ACTA2: variants seen among roughly 807,000 people sequenced by gnomAD.
ACTA2 encodes the protein actin alpha 2, smooth muscle.
In ACTA2, 12 loss-of-function variants were observed where a neutral mutation model predicts 39.5. The ratio of observed to expected loss-of-function variants is 0.30; its 90% CI spans 0.19 to 0.49. The LOEUF (loss-of-function observed/expected upper bound fraction) is 0.49, where lower values mean the gene tolerates loss of function less well. ACTA2 is among the 20% of genes least tolerant of loss of function. The probability of loss-of-function intolerance (pLI) is 0.99; values close to 1 mark genes in which losing one functional copy is unlikely to be tolerated. For synonymous variants in ACTA2, 158 were observed against 180.6 expected (o/e 0.88, Z 1.00); for missense variants, 236 against 498.8 (o/e 0.47, Z 5.02).
At chr10:88,966,926 T>C (rs1387026186) in intron 1 of ACTA2, among the ~76,000 whole-genome samples, 1 of 152,186 alleles carries the variant, frequency 6.6e-6, no homozygotes, top group Non-Finnish European at 1.5e-5. Flanking sequence ...AGGATACCAT[T>C]AGGAGATCCT....
At position 88,965,530 on chromosome 10, in the gene ACTA2, G is replaced by A. The variant is rs1589411400; in HGVS notation, c.-23-16577C>T. On this transcript the variant is annotated intron_variant, in intron 1 of 4. Transcript: ENST00000415557. ...CCCTATTTTCCTTAAGCAGCACGCG[G>A]CTGCCTAGTGTACTTGCCTTAGGAG... 2.6e-5 allele frequency among the ~76,000 whole-genome samples: 4 copies of A among 152,294 alleles called. No homozygotes were observed. In the East Asian group the frequency reaches 7.7e-4, roughly 29 times the overall value.
chr10:88,955,948 A>T (rs1349519754), upstream of ACTA2, among the ~76,000 whole-genome samples: 3 of 152,210 alleles, frequency 2.0e-5, no homozygotes, highest in East Asian at 5.8e-4. Context: ...ATGCCTTATC[A>T]CAAGGTGGCA....
Position 88,990,155 on chromosome 10 carries a change from C to T in ACTA2, c.-24+784G>A, listed in dbSNP as rs1847076552. Among the ~76,000 whole-genome samples, 2 of 152,306 alleles carry T rather than the reference C, an allele frequency of 1.3e-5. No individual in the cohort carries two copies. Among genetic ancestry groups the T allele is most frequent in the African/African-American group, 4.8e-5 (2 of 41,562 alleles). On this transcript the variant is annotated intron_variant, in intron 1 of 4. Transcript: ENST00000415557. The surrounding 1 kb of genome is among the most constrained non-coding windows in gnomAD (Gnocchi z 4.9). ...ACTAAGGGGCCCTCCCTTTTCAGAG[C>T]CCTATGGCGCAACATCTGTACTTTT...
At chr10:88,964,720 G>A (rs1846290933) in intron 1 of ACTA2, among the ~76,000 whole-genome samples, 2 of 152,118 alleles carry the variant, frequency 1.3e-5, no homozygotes, top group Admixed American at 6.5e-5. Flanking sequence ...TTTTGGGGTG[G>A]CATATTCAGC....
Position 88,948,870 on chromosome 10 carries a change from C to G in ACTA2, c.61G>C (p.Ala21Pro). 6.2e-7 allele frequency: 1 copy of G among 1,613,980 alleles called. No individual in the cohort carries two copies. The highest frequency in any genetic ancestry group is 8.5e-7 in the Non-Finnish European group (1 of 1,179,896). The change falls in exon 2 of 9, where the codon GCC becomes CCC. Residue 21 changes from alanine to proline, a missense_variant. Transcript: ENST00000224784. ...VCDNGSGLCK[A>P]GFAGDDAPRA... ...GGAGCATCGTCCCCAGCAAAGCCGG[C>G]CTTACAGAGCCCAGAGCCATTGTCA...
At chr10:88,977,257 G>A (rs954273180) in intron 1 of ACTA2, among the ~76,000 whole-genome samples, 2 of 151,550 alleles carry the variant, frequency 1.3e-5, no homozygotes, top group African/African-American at 4.9e-5. Context: ...GTCCTGAATG[G>A]TAATGCCTAG....
chr10:88,983,938 C>T (rs1589428799), intron 1 of ACTA2, among the ~76,000 whole-genome samples: 1 of 152,010 alleles, frequency 6.6e-6, no homozygotes, highest in East Asian at 1.9e-4. Context: ...TTACTGTGAT[C>T]AGAGACTTAG....
intron 4 of ACTA2, 67 bp from the exon 5 acceptor site, chr10:88,941,936 A>C: frequency 2.1e-6 from 3 of 1,442,134 alleles, no homozygotes; most frequent in Non-Finnish European, 2.9e-6. Context: ...TCAGGAGAGC[A>C]CACCTGGTTG....
intron 1 of ACTA2, chr10:88,973,062 G>GT (rs1846485939): frequency 8.7e-7 from 1 of 1,146,428 alleles, no homozygotes; most frequent in South Asian, 1.8e-5. Context: ...AGCTAACCTT[G>GT]TAAGTACTTA....
intron 3 of ACTA2, among the ~76,000 whole-genome samples, chr10:88,945,170 T>C (rs1450054721): frequency 2.6e-5 from 4 of 152,250 alleles, no homozygotes; most frequent in African/African-American, 9.6e-5. Flanking sequence ...AAGTTTTTTC[T>C]TCCAATAGTC....
At chr10:88,962,568 G>T (rs1191050596) in intron 1 of ACTA2, among the ~76,000 whole-genome samples, 1 of 152,066 alleles carries the variant, frequency 6.6e-6, no homozygotes, top group Non-Finnish European at 1.5e-5. Context: ...AAAAGCTCTT[G>T]GCTAATTGTC....
intron 1 of ACTA2, among the ~76,000 whole-genome samples, chr10:88,972,704 A>G (rs1401393297): frequency 6.6e-6 from 1 of 152,224 alleles, no homozygotes; most frequent in Non-Finnish European, 1.5e-5. Context: ...ACAAATGTAT[A>G]AATCGATTTT....
At chr10:88,938,303 A>C in intron 7 of ACTA2, 61 bp from the exon 8 acceptor site, 3 of 1,574,800 alleles carry the variant, frequency 1.9e-6, no homozygotes, top group Non-Finnish European at 2.6e-6. Context: ...CTAGACATGG[A>C]AGACCAGACT....
intron 8 of ACTA2, among the ~76,000 whole-genome samples, chr10:88,936,404 G>A (rs1845739290): frequency 6.6e-6 from 1 of 152,188 alleles, no homozygotes; most frequent in African/African-American, 2.4e-5. Context: ...CTCATGTTGA[G>A]ATGTAATCCC....
At chr10:88,979,213 C>G (rs956878648) in intron 1 of ACTA2, among the ~76,000 whole-genome samples, 1 of 151,590 alleles carries the variant, frequency 6.6e-6, no homozygotes, top group Non-Finnish European at 1.5e-5. Context: ...GCGTAGGGAT[C>G]TGGGGAGGAG....
At position 88,943,791 on chromosome 10, in the gene ACTA2, A is replaced by G. The variant is rs1229837541; in HGVS notation, c.369+6T>C. On this transcript the variant is annotated splice_donor_region_variant and intron_variant, in intron 4 of 8. Coordinates refer to ENST00000224784, the MANE Select transcript of ACTA2 (RefSeq NM_001613.4). ...ACAGTGTTGTGTGCTGGGGTAGCATACTTACTTGAGTCATTTTCTCCCGGT... is the reference window on the plus strand; with the variant it reads ...ACAGTGTTGTGTGCTGGGGTAGCATGCTTACTTGAGTCATTTTCTCCCGGT... 1.9e-6 allele frequency: 3 copies of G among 1,609,088 alleles called. No homozygotes were observed.
chr10:88,987,454 T>C (rs965194401), intron 1 of ACTA2, among the ~76,000 whole-genome samples: 2 of 152,218 alleles, frequency 1.3e-5, no homozygotes, highest in Non-Finnish European at 2.9e-5. Flanking sequence ...CTACCAACCT[T>C]GATCTTTCAG....
At position 88,935,121 on chromosome 10, in the gene ACTA2, G is replaced by C; in HGVS notation, c.*102C>G. 2 of 1,530,936 alleles carry C rather than the reference G, an allele frequency of 1.3e-6. No individual in the cohort carries two copies. The allele number at this position is 1,530,936 out of a possible 1,614,324, so 94.8% of individuals were successfully genotyped here. On this transcript the variant is annotated 3_prime_UTR_variant, in exon 9 of 9. Transcript: ENST00000224784. ...TTATTAAAAAACACATAGGTAACGA[G>C]TCAGAGCTTTGGCTAGGAATGATTT...
At chr10:88,987,359 G>C (rs1051413559) in intron 1 of ACTA2, among the ~76,000 whole-genome samples, 1 of 152,202 alleles carries the variant, frequency 6.6e-6, no homozygotes, top group Admixed American at 6.5e-5. Flanking sequence ...AGCTTAAGCA[G>C]AAACTAAGAA....
Sources: gnomAD v4.1 joint callset for allele counts (sites outside exome capture counted in the v4.1 genomes callset) on GRCh38, gnomAD v4.1.1 for gene constraint, Gnocchi (gnomAD v3.1) non-coding constraint, MANE v1.5 for transcripts, NCBI Gene and HGNC (gene_info 2026-07-23, HGNC 2026-07-21) for gene names.